Variants in COPZ2 observed in about 807,000 individuals in gnomAD.
COPZ2 encodes the protein coatomer subunit zeta-2.
Under a neutral mutation model 33.2 loss-of-function variants are expected in COPZ2, and 30 were observed. The observed-to-expected ratio is 0.90, with a 90% CI of 0.68 to 1.23. The LOEUF (loss-of-function observed/expected upper bound fraction) is 1.23, where lower values mean the gene tolerates loss of function less well. Among genes scored for constraint, COPZ2 ranks in the 50% most tolerant of loss-of-function variants. The pLI is 0.00. For missense variants in COPZ2, 263 were observed against 262.4 expected (o/e 1.00, Z -0.02); for synonymous variants, 89 against 102.6 (o/e 0.87, Z 0.80).
chr17:48,043,204 C>T, the COPZ2 span, among the ~76,000 whole-genome samples: 1 of 152,212 alleles, frequency 6.6e-6, no homozygotes, highest in African/African-American at 2.4e-5. Flanking sequence ...TGTGCACATC[C>T]CTACCCAGCT....
rs768886502 is a variant in COPZ2, at chr17:48,032,185, GA to G, written c.464del (p.Phe155SerfsTer12). 5.6e-6 allele frequency: 9 copies of G among 1,613,442 alleles called. No homozygotes were observed. Among genetic ancestry groups the G allele is most frequent in the Admixed American group, 1.7e-5 (1 of 59,942 alleles). ...RWLLENMDGA[F>X]LVLDEIVDGG... ...CATCCACAATCTCGTCCAGCACCAA[GA>G]AGGCTCCGTCCATGTTCTCCAGCAA... is the stretch of plus-strand genomic sequence containing the variant. On this transcript the variant is annotated frameshift_variant, in exon 6 of 9. Coordinates refer to ENST00000621465, the MANE Select transcript of COPZ2 (RefSeq NM_016429.4). LOFTEE classifies it high-confidence loss of function.
upstream of COPZ2, among the ~76,000 whole-genome samples, chr17:48,039,242 G>GGGCAGAAGGCTTGAGCCC (rs1213709453): frequency 2.6e-5 from 4 of 152,016 alleles, no homozygotes; most frequent in Non-Finnish European, 5.9e-5. Flanking sequence ...AGGCTGAGGT[G>GGGCAGAAGGCTTGAGCCC]GGCAGAAGGC....
chr17:48,043,890 A>G, the COPZ2 span, among the ~76,000 whole-genome samples: 1 of 152,216 alleles, frequency 6.6e-6, no homozygotes, highest in South Asian at 2.1e-4. Flanking sequence ...ACAGAGCTAT[A>G]TGAAGAACAC....
upstream of COPZ2, among the ~76,000 whole-genome samples, chr17:48,041,642 T>C (rs575242458): frequency 1.2e-4 from 18 of 152,312 alleles, no homozygotes; most frequent in South Asian, 2.9e-3. Context: ...ATAATGACAC[T>C]ATTTGATAAC....
At chr17:48,032,017 G>T in intron 6 of COPZ2, 139 bp downstream of exon 6, 1 of 705,494 alleles carries the variant, frequency 1.4e-6, no homozygotes, top group South Asian at 1.7e-5. Flanking sequence ...GAAGGGCTAG[G>T]GGAATGGGAT....
rs1379072033 is a variant in COPZ2, at chr17:48,029,966, T to TA, written c.495-791dup. Among the ~76,000 whole-genome samples, 482 of 143,756 alleles carry TA rather than the reference T, an allele frequency of 3.4e-3. 1 individual carries two copies. The highest frequency in any genetic ancestry group is 7.6e-3 in the Middle Eastern group (2 of 264). 94.3% of individuals were successfully genotyped at this position (143,756 alleles called of 152,430 possible). ...CTGGGCATCACAGTGAGACTCTGTC[T>TA]AAAAAAAAAAAATTTTTTTTTTAAA... On this transcript the variant is annotated intron_variant, in intron 6 of 8. Coordinates refer to ENST00000621465, the MANE Select transcript of COPZ2 (RefSeq NM_016429.4).
intron 6 of COPZ2, among the ~76,000 whole-genome samples, chr17:48,030,624 C>T (rs923852994): frequency 2.6e-5 from 4 of 152,210 alleles, no homozygotes; most frequent in East Asian, 1.9e-4. Flanking sequence ...GTCCCAAGCT[C>T]CCTAACCAGG....
upstream of COPZ2, among the ~76,000 whole-genome samples, chr17:48,043,013 C>T (rs925868744): frequency 1.3e-5 from 2 of 152,332 alleles, no homozygotes; most frequent in South Asian, 4.1e-4. Context: ...GAGCATGGCC[C>T]TAAGAGGACT....
At chr17:48,043,678 C>A in the COPZ2 span, 6 of 371,132 alleles carry the variant, frequency 1.6e-5, no homozygotes, top group Non-Finnish European at 2.2e-5. Flanking sequence ...GGGCCTTATA[C>A]TCAGCTCTTC....
upstream of COPZ2, among the ~76,000 whole-genome samples, chr17:48,038,338 C>T (rs1303750458): frequency 2.0e-5 from 3 of 152,178 alleles, no homozygotes; most frequent in Non-Finnish European, 4.4e-5. Context: ...CCAGGCTCTC[C>T]TAAGTCACAG....
intron 6 of COPZ2, chr17:48,029,448 A>ACTG: frequency 1.9e-6 from 1 of 514,856 alleles, no homozygotes; most frequent in South Asian, 2.7e-5. Flanking sequence ...CTGGTCTAGG[A>ACTG]TGATCAGGTT....
At chr17:48,045,763 C>T in the COPZ2 span, 1 of 151,728 alleles carries the variant, frequency 6.6e-6, no homozygotes, top group African/African-American at 2.4e-5. Context: ...GGACTGATGA[C>T]ACATCAGCAT....
the COPZ2 span, among the ~76,000 whole-genome samples, chr17:48,043,823 C>A: frequency 6.6e-6 from 1 of 152,166 alleles, no homozygotes; most frequent in African/African-American, 2.4e-5. Flanking sequence ...ACCTATGAGT[C>A]CAAAACATCC....
intron 2 of COPZ2, among the ~76,000 whole-genome samples, chr17:48,034,313 T>C: frequency 6.6e-6 from 1 of 151,928 alleles, no homozygotes; most frequent in Admixed American, 6.6e-5. Flanking sequence ...TCCATGTTGG[T>C]CAGGCTGGTC....
chr17:48,031,301 A>C (rs1448487884), intron 6 of COPZ2, among the ~76,000 whole-genome samples: 1 of 151,762 alleles, frequency 6.6e-6, no homozygotes, highest in African/African-American at 2.4e-5. Context: ...AAATACAAAA[A>C]ATTAGCTTGG....
upstream of COPZ2, among the ~76,000 whole-genome samples, chr17:48,042,549 C>T (rs2037072427): frequency 6.6e-6 from 1 of 152,168 alleles, no homozygotes; most frequent in Non-Finnish European, 1.5e-5. Context: ...GCAACCTCTG[C>T]CTCCCGGGTT....
At chr17:48,032,813 C>T in intron 4 of COPZ2, 72 bp from the exon 5 acceptor site, 1 of 1,259,968 alleles carries the variant, frequency 7.9e-7, no homozygotes, top group Non-Finnish European at 1.1e-6. Flanking sequence ...GCACTTGGAG[C>T]CCACCTGTGC....
At chr17:48,044,662 G>A in the COPZ2 span, among the ~76,000 whole-genome samples, 1 of 152,098 alleles carries the variant, frequency 6.6e-6, no homozygotes, top group South Asian at 2.1e-4. Context: ...GTGGTGCATA[G>A]GAAAGAGGCT....
In COPZ2 at chr17:48,033,948, T is replaced by A. The variant is rs575292257; in HGVS notation, c.187-4A>T. Reference sequence around the variant, plus strand: ...AGGGGAATGTGTCATCATAATACTATGAGAAAGGGAAGGAGAAAGGACCAT... The same window carrying A: ...AGGGGAATGTGTCATCATAATACTAAGAGAAAGGGAAGGAGAAAGGACCAT... On this transcript the variant is annotated splice_polypyrimidine_tract_variant and splice_region_variant and intron_variant, in intron 2 of 8. Coordinates refer to ENST00000621465, the MANE Select transcript of COPZ2 (RefSeq NM_016429.4). The A allele has an allele frequency of 6.3e-7, 1 of 1,597,432 alleles. No homozygotes were observed. Among genetic ancestry groups the A allele is most frequent in the South Asian group, 1.1e-5 (1 of 89,160 alleles).
Sources: gnomAD v4.1 joint callset for allele counts (sites outside exome capture counted in the v4.1 genomes callset) on GRCh38, gnomAD v4.1.1 for gene constraint, MANE v1.5 for transcripts, NCBI Gene and HGNC (gene_info 2026-07-23, HGNC 2026-07-21) for gene names.